Variants in RPIA observed in about 807,000 individuals in gnomAD.
RPIA encodes the protein ribose 5-phosphate isomerase A.
A neutral mutation model predicts 37.8 loss-of-function variants in RPIA; 29 were observed. The ratio of observed to expected loss-of-function variants is 0.77; its 90% CI spans 0.57 to 1.05. The LOEUF is 1.05. RPIA is among the 50% of genes least tolerant of loss of function. The pLI is 0.00. For synonymous variants in RPIA, 167 were observed against 157.0 expected, an observed-to-expected ratio of 1.06 and a Z score of -0.48; for missense variants, 385 against 413.6, an observed-to-expected ratio of 0.93 and a Z score of 0.60.
intron 3 of RPIA, among the ~76,000 whole-genome samples, chr2:88,722,207 T>A (rs911479315): frequency 7.2e-5 from 11 of 152,104 alleles, no homozygotes; most frequent in Admixed American, 5.9e-4. Flanking sequence ...ATTTTGTGGT[T>A]CCTTTTACAA....
At chr2:88,714,316 C>A (rs758880079) in intron 3 of RPIA, among the ~76,000 whole-genome samples, 1 of 152,072 alleles carries the variant, frequency 6.6e-6, no homozygotes, top group African/African-American at 2.4e-5. Flanking sequence ...ATTACAGGCA[C>A]CTGCCACCAC....
chr2:88,718,454 C>T (rs1306967711), intron 3 of RPIA, among the ~76,000 whole-genome samples: 1 of 152,102 alleles, frequency 6.6e-6, no homozygotes, highest in African/African-American at 2.4e-5. Context: ...TGGATTTGTA[C>T]CATCAAATAC....
intron 3 of RPIA, 66 bp downstream of exon 3, chr2:88,700,130 G>T (rs1672810484): frequency 6.7e-7 from 1 of 1,490,754 alleles, no homozygotes; most frequent in South Asian, 1.1e-5. Context: ...CCGGGGTTGT[G>T]GACCTATGGC....
Position 88,691,686 on chromosome 2 carries a change from G to C in RPIA, c.-13G>C, listed in dbSNP as rs1368449723. ...GGGCGGGACTTCAGCGGAGGCCGGA[G>C]CGAGGCGTCGGGATGCAGCGCCCCG... On this transcript the variant is annotated 5_prime_UTR_variant, in exon 1 of 9. Transcript: ENST00000283646. 2.6e-6 allele frequency: 4 copies of C among 1,568,312 alleles called. No homozygotes were observed. In the Admixed American group the frequency reaches 7.3e-5, roughly 28 times the overall value.
intron 1 of RPIA, 110 bp from the exon 2 acceptor site, chr2:88,698,374 T>C: frequency 1.1e-6 from 1 of 916,466 alleles, no homozygotes; most frequent in Non-Finnish European, 1.8e-6. Flanking sequence ...CTTGTACCTG[T>C]GTTGGTGGAT....
chr2:88,691,733 G>C lies in RPIA; in HGVS notation c.35G>C (p.Gly12Ala), dbSNP rs1340987089. The change falls in exon 1 of 9, where the codon GGG becomes GCG. Residue 12 changes from glycine (G) to alanine (A), a missense_variant. Coordinates refer to ENST00000283646, the MANE Select transcript of RPIA (RefSeq NM_144563.3). ...CCCGGGCCCTTCAGCACCCTCTACG[G>C]GCGGGTCTTGGCCCCGCTGCCCGGG... ...QRPGPFSTLY[G>A]RVLAPLPGRA... 6.3e-7 allele frequency: 1 copy of C among 1,593,956 alleles called. No homozygotes were observed. Among genetic ancestry groups the C allele is most frequent in the Non-Finnish European group, 8.5e-7 (1 of 1,175,196 alleles).
chr2:88,698,694 AGT>A, intron 2 of RPIA, 150 bp downstream of exon 2: 1 of 783,982 alleles, frequency 1.3e-6, no homozygotes. Context: ...AGGTCAGTTG[AGT>A]GTTTCTGCTC....
intron 4 of RPIA, 79 bp from the exon 5 acceptor site, chr2:88,734,473 A>T (rs1673291027): frequency 1.5e-6 from 2 of 1,338,238 alleles, no homozygotes; most frequent in African/African-American, 2.9e-5. Context: ...TGAGTATCTG[A>T]TGAGCTATCG....
intron 2 of RPIA, among the ~76,000 whole-genome samples, chr2:88,699,760 A>G (rs1672805466): frequency 6.6e-6 from 1 of 152,236 alleles, no homozygotes. Context: ...TCAGGCACAT[A>G]ACAATGGCAA....
In RPIA at chr2:88,727,099, GCGCGCATGTGTGCGCGTGCA is replaced by G. The variant is rs1558696932; in HGVS notation, c.403-2178_403-2159del. Among the ~76,000 whole-genome samples the G allele has an allele frequency of 5.3e-5, 8 of 152,046 alleles. No homozygotes were observed. The East Asian group carries it at 1.4e-3, about 26-fold the overall frequency. On this transcript the variant is annotated intron_variant, in intron 3 of 8. Coordinates refer to ENST00000283646, the MANE Select transcript of RPIA (RefSeq NM_144563.3). ...TGTGTGCGTGCGTGTGTGTGTGTGCGCGCGCATGTGTGCGCGTGCATGTGTGCGCATGCGAGAGAGAGGAG... is the reference window on the plus strand; with the variant it reads ...TGTGTGCGTGCGTGTGTGTGTGTGCGTGTGTGCGCATGCGAGAGAGAGGAG...
chr2:88,713,447 G>A (rs561016455), intron 3 of RPIA, among the ~76,000 whole-genome samples: 3 of 152,178 alleles, frequency 2.0e-5, no homozygotes, highest in South Asian at 4.1e-4. Context: ...TTAATTTGCT[G>A]TTGAGGAGGT....
In RPIA at chr2:88,736,561, A is replaced by G; in HGVS notation, c.623A>G (p.Gln208Arg). The G allele has an allele frequency of 1.2e-6, 2 of 1,614,182 alleles. No individual in the cohort carries two copies. The highest frequency in any genetic ancestry group is 1.7e-6 in the Non-Finnish European group (2 of 1,180,014). ...FRKDSKNLGD[Q>R]WHKGIPIEVI... ...AAAGATTCGAAGAATCTCGGGGATCAGTGGCACAAGGGAATCCCCATCGAG... is the reference window on the plus strand; with the variant it reads ...AAAGATTCGAAGAATCTCGGGGATCGGTGGCACAAGGGAATCCCCATCGAG... The change falls in exon 7 of 9, where the codon CAG (glutamine) becomes CGG (arginine). Residue 208 changes from glutamine to arginine, a missense_variant. Coordinates refer to ENST00000283646, the MANE Select transcript of RPIA (RefSeq NM_144563.3).
At chr2:88,715,965 A>G (rs1008227829) in intron 3 of RPIA, among the ~76,000 whole-genome samples, 2 of 152,046 alleles carry the variant, frequency 1.3e-5, no homozygotes, top group East Asian at 1.9e-4. Flanking sequence ...TCTGCCTCCT[A>G]TTTTCTTTCC....
intron 4 of RPIA, among the ~76,000 whole-genome samples, chr2:88,729,572 T>C (rs1673240855): frequency 6.6e-6 from 1 of 152,060 alleles, no homozygotes; most frequent in Non-Finnish European, 1.5e-5. Context: ...GTGAATGTAG[T>C]GAAGGGAAGT....
In RPIA at chr2:88,698,544, G is replaced by A; in HGVS notation, c.346G>A (p.Ala116Thr). The change falls in exon 2 of 9, where the codon GCT (alanine) becomes ACT (threonine). Residue 116 changes from alanine (A) to threonine (T), a missense_variant and splice_region_variant. Physicochemically the swap from Ala to Thr is moderately conservative, Grantham distance 58. Coordinates refer to ENST00000283646, the MANE Select transcript of RPIA (RefSeq NM_144563.3). ...STIVHAVQRIAERVKQENLNL... is the reference protein window; with the variant it reads ...STIVHAVQRITERVKQENLNL... Reference sequence around the variant, plus strand: ...AATTGTCCATGCTGTGCAGCGAATAGGTATGCTCTCTCACTGTCTACTGGA... The same window carrying A: ...AATTGTCCATGCTGTGCAGCGAATAAGTATGCTCTCTCACTGTCTACTGGA... 6.2e-7 allele frequency: 1 copy of A among 1,613,434 alleles called. No individual in the cohort carries two copies. Among genetic ancestry groups the A allele is most frequent in the Non-Finnish European group, 8.5e-7 (1 of 1,179,358 alleles).
chr2:88,728,813 A>T (rs543125098), intron 3 of RPIA, among the ~76,000 whole-genome samples: 1 of 152,226 alleles, frequency 6.6e-6, no homozygotes, highest in South Asian at 2.1e-4. Context: ...TTAAGTGTAT[A>T]TATTCTTTTC....
chr2:88,715,613 G>A (rs889982067), intron 3 of RPIA, among the ~76,000 whole-genome samples: 18 of 152,178 alleles, frequency 1.2e-4, no homozygotes, highest in African/African-American at 3.6e-4. Context: ...CAGAATTCTT[G>A]TTAACCCTGT....
chr2:88,721,413 T>G (rs534997949), intron 3 of RPIA, among the ~76,000 whole-genome samples: 1 of 148,636 alleles, frequency 6.7e-6, no homozygotes, highest in African/African-American at 2.4e-5. Flanking sequence ...TACTTATAAA[T>G]ATATTACTAA....
At chr2:88,720,207 G>T (rs1673102078) in intron 3 of RPIA, among the ~76,000 whole-genome samples, 1 of 151,986 alleles carries the variant, frequency 6.6e-6, no homozygotes, top group Admixed American at 6.6e-5. Context: ...CATACAAAAA[G>T]ATACGTGGAT....
Sources: gnomAD v4.1 joint callset for allele counts (sites outside exome capture counted in the v4.1 genomes callset) on GRCh38, gnomAD v4.1.1 for gene constraint, MANE v1.5 for transcripts, NCBI Gene and HGNC (gene_info 2026-07-23, HGNC 2026-07-21) for gene names.